Variants in PYY observed in about 807,000 individuals in gnomAD.
The protein encoded by PYY is peptide tyrosine tyrosine.
In PYY, 12 loss-of-function variants were observed where a neutral mutation model predicts 10.3. The observed-to-expected ratio is 1.17, with a 90% CI of 0.75 to 1.89. The LOEUF (loss-of-function observed/expected upper bound fraction) is 1.89. Among genes scored for constraint, PYY ranks in the 40% most tolerant of loss-of-function variants. PYY has a pLI of 0.00. For missense variants in PYY, 141 were observed against 134.0 expected, an observed-to-expected ratio of 1.05 and a Z score of -0.26; for synonymous variants, 66 against 62.0, an observed-to-expected ratio of 1.06 and a Z score of -0.30.
rs80284466 is a variant in PYY at position 43,991,755 on chromosome 17, G to C, written c.-463+12636C>G. 1.2e-4 allele frequency among the ~76,000 whole-genome samples: 18 copies of C among 151,802 alleles called. 1 individual carries two copies. Among genetic ancestry groups the C allele is most frequent in the Non-Finnish European group, 7.4e-5 (5 of 67,964 alleles). On this transcript the variant is annotated intron_variant, in intron 1 of 6. Transcript: ENST00000360085. ...TGGAGGATCACTAAGCCTGGTGGTC[G>C]AGGCTGCAGCGAGCTGTGATTGTGC...
chr17:44,004,244 GC>G (rs1283584389), intron 1 of PYY: 1 of 54,464 alleles, frequency 1.8e-5, no homozygotes, highest in Non-Finnish European at 3.7e-5. Context: ...CCCTCCCACT[GC>G]CCCCCTTCTT....
intron 1 of PYY, among the ~76,000 whole-genome samples, chr17:43,986,119 TGTA>T: frequency 6.6e-6 from 1 of 152,034 alleles, no homozygotes; most frequent in Admixed American, 6.6e-5. Flanking sequence ...ATTAGTCGGA[TGTA>T]GTGGTGCATG....
chr17:43,989,096 T>C (rs72628312), intron 1 of PYY, among the ~76,000 whole-genome samples: 79,231 of 149,130 alleles, frequency 0.53, 21,896 homozygotes, highest in Middle Eastern at 0.72. Flanking sequence ...CATAACAGGC[T>C]GGGCGCGGTG....
chr17:43,963,569 GAA>G (rs1555617065), intron 2 of PYY, among the ~76,000 whole-genome samples: 110 of 74,970 alleles, frequency 1.5e-3, no homozygotes, highest in Admixed American at 3.0e-3. Context: ...AGGAAGGAAG[GAA>G]AAGAAAGAAA....
intron 1 of PYY, among the ~76,000 whole-genome samples, chr17:43,993,256 C>G (rs1020051146): frequency 1.3e-5 from 2 of 151,914 alleles, no homozygotes; most frequent in Non-Finnish European, 2.9e-5. Context: ...GTCAGGAGAT[C>G]GAGACCAACC....
chr17:43,989,180 C>G (rs1051637171), intron 1 of PYY, among the ~76,000 whole-genome samples: 1 of 152,094 alleles, frequency 6.6e-6, no homozygotes, highest in African/African-American at 2.4e-5. Flanking sequence ...CAAGACCATC[C>G]TGGCTAACAC....
At position 43,968,364 on chromosome 17, in the gene PYY, C is replaced by A. The variant is rs115971247; in HGVS notation, c.-462-1832G>T. ...AAGAAGAAATAACACTGATTTTACA[C>A]AATCTCTTCCAGAAAATAGAACAAG... On this transcript the variant is annotated intron_variant, in intron 1 of 6. Transcript: ENST00000360085. 7.3e-3 allele frequency among the ~76,000 whole-genome samples: 1,112 copies of A among 152,182 alleles called. 15 individuals are homozygous for A. The highest frequency in any genetic ancestry group is 0.025 in the African/African-American group (1,055 of 41,508).
chr17:43,979,292 C>T (rs2048868214), intron 1 of PYY, among the ~76,000 whole-genome samples: 1 of 152,176 alleles, frequency 6.6e-6, no homozygotes, highest in South Asian at 2.1e-4. Context: ...TCTTATTAAG[C>T]CCTCCAAGTG....
chr17:43,988,314 T>G (rs2048928368), intron 1 of PYY, among the ~76,000 whole-genome samples: 1 of 152,148 alleles, frequency 6.6e-6, no homozygotes, highest in Admixed American at 6.5e-5. Context: ...GAAAGGGAGC[T>G]TTACGAGCGT....
intron 1 of PYY, among the ~76,000 whole-genome samples, chr17:43,984,114 C>A (rs1042858617): frequency 6.6e-6 from 1 of 152,176 alleles, no homozygotes; most frequent in Non-Finnish European, 1.5e-5. Flanking sequence ...GGCGGCGGGG[C>A]GGCCCCTCTC....
intron 1 of PYY, among the ~76,000 whole-genome samples, chr17:43,979,042 C>G (rs2048866813): frequency 6.6e-6 from 1 of 152,176 alleles, no homozygotes; most frequent in African/African-American, 2.4e-5. Context: ...ATGAGTGTCG[C>G]ACCTTAGGGA....
intron 2 of PYY, among the ~76,000 whole-genome samples, chr17:43,962,598 G>A (rs1016836927): frequency 1.3e-5 from 2 of 152,142 alleles, no homozygotes; most frequent in East Asian, 1.9e-4. Flanking sequence ...TCAGACTGCC[G>A]GGACCAATTT....
rs1040995913 is a variant in PYY at position 43,976,449 on chromosome 17, A to C, written c.-462-9917T>G. On this transcript the variant is annotated intron_variant, in intron 1 of 6. Coordinates refer to the PYY transcript ENST00000360085. ...CATATATACACATATACATGTATAC[A>C]TATACATATATATACACACACACAC... Among the ~76,000 whole-genome samples the C allele has an allele frequency of 1.4e-4, 21 of 146,160 alleles. 1 individual carries two copies. The highest frequency in any genetic ancestry group is 5.0e-4 in the African/African-American group (20 of 39,986).
intron 1 of PYY, among the ~76,000 whole-genome samples, chr17:43,996,010 T>A (rs1304924445): frequency 1.3e-5 from 2 of 151,116 alleles, no homozygotes; most frequent in Non-Finnish European, 3.0e-5. Context: ...AAGAAAAAAA[T>A]TATATATATA....
At chr17:43,971,865 G>C (rs543270815) in intron 1 of PYY, among the ~76,000 whole-genome samples, 1 of 151,946 alleles carries the variant, frequency 6.6e-6, no homozygotes, top group Admixed American at 6.6e-5. Flanking sequence ...TTATGATGAA[G>C]TCCAATTTAT....
intron 1 of PYY, among the ~76,000 whole-genome samples, chr17:43,973,449 C>A (rs1440214631): frequency 1.3e-5 from 2 of 152,236 alleles, no homozygotes; most frequent in Non-Finnish European, 2.9e-5. Context: ...TTGAGGCATT[C>A]ATCCAGCGCT....
intron 2 of PYY, among the ~76,000 whole-genome samples, chr17:43,959,787 G>T (rs570132330): frequency 6.6e-6 from 1 of 152,382 alleles, no homozygotes; most frequent in South Asian, 2.1e-4. Context: ...TGAGTTCTGC[G>T]CACATCCCCT....
At chr17:43,992,037 C>T (rs974047063) in intron 1 of PYY, among the ~76,000 whole-genome samples, 7 of 145,206 alleles carry the variant, frequency 4.8e-5, no homozygotes, top group Admixed American at 1.4e-4. Flanking sequence ...AGGAGAATGG[C>T]GTGAACCTGG....
intron 1 of PYY, among the ~76,000 whole-genome samples, chr17:43,974,039 T>A (rs1286562410): frequency 6.6e-5 from 10 of 152,112 alleles, no homozygotes; most frequent in Admixed American, 6.6e-4. Flanking sequence ...AGTCTGGTGG[T>A]GAATCCTCCA....
Sources: gnomAD v4.1 joint callset for allele counts (sites outside exome capture counted in the v4.1 genomes callset) on GRCh38, gnomAD v4.1.1 for gene constraint, MANE v1.5 for transcripts, NCBI Gene and HGNC (gene_info 2026-07-23, HGNC 2026-07-21) for gene names.